TRIM50: variants seen among roughly 807,000 people sequenced by gnomAD.
TRIM50 encodes tripartite motif containing 50.
TRIM50 carries 34 observed loss-of-function variants against 44.9 expected under a neutral mutation model. The observed-to-expected ratio is 0.76, with a 90% confidence interval of 0.58 to 1.01. The LOEUF (loss-of-function observed/expected upper bound fraction) is 1.01. TRIM50 is among the 50% of genes least tolerant of loss of function. The probability of loss-of-function intolerance (pLI) is 0.00; values close to 1 mark genes in which losing one functional copy is unlikely to be tolerated. For synonymous variants in TRIM50, 307 were observed against 291.1 expected, an observed-to-expected ratio of 1.05 and a Z score of -0.56; for missense variants, 633 against 663.7, an observed-to-expected ratio of 0.95 and a Z score of 0.51.
chr7:73,320,327 T>G, intron 2 of TRIM50, 85 bp from the exon 3 acceptor site: 1 of 1,594,962 alleles, frequency 6.3e-7, no homozygotes, highest in Non-Finnish European at 8.6e-7. Flanking sequence ...AGTATCCCAA[T>G]GGCCACAAGC....
Position 73,312,646 on chromosome 7 carries a change from C to G in TRIM50, c.*275G>C, listed in dbSNP as rs1429196805. 1.2e-5 allele frequency: 6 copies of G among 484,280 alleles called. No homozygotes were observed. Among genetic ancestry groups the G allele is most frequent in the Non-Finnish European group, 2.2e-5 (6 of 274,954 alleles). The allele number at this position is 484,280 out of a possible 1,614,324, so 30.0% of individuals were successfully genotyped here. A position where few individuals can be genotyped will look rare whatever the true frequency, so the allele number is the denominator to read the frequency against. ...CTATTTCTGCCCTCGGAAGCGTCTG[C>G]GCAGATAGCATGGTTAGCAAGTGGC... is the stretch of plus-strand genomic sequence containing the variant. On this transcript the variant is annotated 3_prime_UTR_variant, in exon 7 of 7. Transcript: ENST00000333149.
In TRIM50 at chr7:73,312,858, A is replaced by G; in HGVS notation, c.*63T>C. The G allele has an allele frequency of 2.3e-6, 3 of 1,332,132 alleles. No individual in the cohort carries two copies. The highest frequency in any genetic ancestry group is 3.0e-6 in the Non-Finnish European group (3 of 998,698). The allele number at this position is 1,332,132 out of a possible 1,614,324, so 82.5% of individuals were successfully genotyped here. On this transcript the variant is annotated 3_prime_UTR_variant, in exon 7 of 7. Transcript: ENST00000333149. ...ATCACCTCAGGCGGGACCCAGCAGAAGCCCGCGAGTCCCCGGTGCCCCGCC... is the reference window on the plus strand; with the variant it reads ...ATCACCTCAGGCGGGACCCAGCAGAGGCCCGCGAGTCCCCGGTGCCCCGCC...
At chr7:73,316,021 C>T (rs1804349982) in intron 6 of TRIM50, among the ~76,000 whole-genome samples, 1 of 151,844 alleles carries the variant, frequency 6.6e-6, no homozygotes, top group African/African-American at 2.4e-5. Context: ...GCTGGGATTA[C>T]AGGCGCACAC....
intron 6 of TRIM50, among the ~76,000 whole-genome samples, 181 bp downstream of exon 6, chr7:73,316,384 G>C (rs1554544059): frequency 6.6e-6 from 1 of 152,020 alleles, no homozygotes; most frequent in Admixed American, 6.6e-5. Flanking sequence ...CCAGCAGCTA[G>C]GAAAGGAAAG....
At position 73,312,984 on chromosome 7, in the gene TRIM50, G is replaced by A; in HGVS notation, c.1401C>T (p.Pro467=). ...GCCCGCTGGGCGGGGGCAGCACCAT[G>A]GGCAGCGAGTTGCTGCCCCTCTCGT... ...CWHERGSNSL[P]MVLPPPSGPG... is the part of the protein sequence containing the mutation. The change falls in exon 7 of 7, where the codon CCC becomes CCT. Residue 467 remains proline, a synonymous_variant. Coordinates refer to ENST00000333149, the MANE Select transcript of TRIM50 (RefSeq NM_178125.3). The A allele has an allele frequency of 6.4e-7, 1 of 1,551,952 alleles. No homozygotes were observed. The highest frequency in any genetic ancestry group is 2.4e-5 in the East Asian group (1 of 41,038).
chr7:73,322,606 C>G (rs560615211), intron 2 of TRIM50, among the ~76,000 whole-genome samples: 1 of 152,228 alleles, frequency 6.6e-6, no homozygotes, highest in Non-Finnish European at 1.5e-5. Flanking sequence ...ATTTCACACA[C>G]GTGATCTCCT....
chr7:73,315,295 C>G (rs1451383398), intron 6 of TRIM50: 1 of 148,330 alleles, frequency 6.7e-6, no homozygotes, highest in Non-Finnish European at 1.5e-5. Context: ...GTGAGATGTA[C>G]AAACAGGATT....
At position 73,318,915 on chromosome 7, in the gene TRIM50, C is replaced by T. The variant is rs1554544575; in HGVS notation, c.633G>A (p.Gln211=). 6.2e-7 allele frequency: 1 copy of T among 1,613,906 alleles called. No homozygotes were observed. Among genetic ancestry groups the T allele is most frequent in the Non-Finnish European group, 8.5e-7 (1 of 1,179,882 alleles). The change falls in exon 4 of 7, where the codon CAG becomes CAA. Residue 211 remains glutamine, a synonymous_variant. Coordinates refer to ENST00000333149, the MANE Select transcript of TRIM50 (RefSeq NM_178125.3). The part of the protein sequence containing the change: ...TRGLVASLDM[Q]LEQAQGTRER... ...CCCGGGTTCCCTGGGCCTGCTCCAG[C>T]TGCATGTCCAGGGAGGCCACCAGGC...
Position 73,328,040 on chromosome 7 carries a change from A to G in TRIM50, c.-159T>C, listed in dbSNP as rs2115802758. 1 of 713,548 alleles carries G rather than the reference A, an allele frequency of 1.4e-6. No individual in the cohort carries two copies. The highest frequency in any genetic ancestry group is 4.0e-4 in the Middle Eastern group (1 of 2,514). 44.2% of individuals were successfully genotyped at this position (713,548 alleles called of 1,614,324 possible). Reference sequence around the variant, plus strand: ...TCATCATGACCCGCACGCTATGGTTACATGCCCCGCCTCGCGCTACCGCGC... The same window carrying G: ...TCATCATGACCCGCACGCTATGGTTGCATGCCCCGCCTCGCGCTACCGCGC... On this transcript the variant is annotated 5_prime_UTR_variant, in exon 1 of 7. It removes the in-frame stop codon of an upstream open reading frame in the 5' UTR. Coordinates refer to ENST00000333149, the MANE Select transcript of TRIM50 (RefSeq NM_178125.3).
rs1554545720 is a variant in TRIM50 at position 73,324,763 on chromosome 7, C to T, written c.25G>A (p.Glu9Lys). The change falls in exon 2 of 7, where the codon GAG becomes AAG. Residue 9 changes from glutamate to lysine, a missense_variant. Coordinates refer to ENST00000333149, the MANE Select transcript of TRIM50 (RefSeq NM_178125.3). The stretch of plus-strand genomic sequence containing the variant: ...GGACACTGAAGCCGGTCCTCCAGCT[C>T]TGGCAGGCTCACCTGCCAAGCCATC... The part of the protein sequence containing the change: MAWQVSLP[E>K]LEDRLQCPIC... 2 of 1,614,068 alleles carry T rather than the reference C, an allele frequency of 1.2e-6. No homozygotes were observed. Among genetic ancestry groups the T allele is most frequent in the East Asian group, 4.5e-5 (2 of 44,870 alleles).
rs200905427 is a variant in TRIM50 at position 73,324,803 on chromosome 7, G to A, written c.-16C>T. The A allele has an allele frequency of 1.7e-5, 28 of 1,613,184 alleles. 1 individual carries two copies. The highest frequency in any genetic ancestry group is 1.5e-4 in the Admixed American group (9 of 59,998). ...GCCAAGCCATCCACACTCACTGCCCGGGCTGAAACACAGGCATCCGACCTC... is the reference window on the plus strand; with the variant it reads ...GCCAAGCCATCCACACTCACTGCCCAGGCTGAAACACAGGCATCCGACCTC... On this transcript the variant is annotated splice_region_variant and 5_prime_UTR_variant, in exon 2 of 7. Transcript: ENST00000333149.
At position 73,313,470 on chromosome 7, in the gene TRIM50, T is replaced by C. The variant is rs1586472535; in HGVS notation, c.915A>G (p.Pro305=). Residue 305 remains proline, a synonymous_variant, in exon 7 of 7, where the codon CCA becomes CCG. Transcript: ENST00000333149. This position sits in a 1 kb window ranked among gnomAD's most constrained non-coding sequence, Gnocchi z 4.9. ...PLKLDPATAH[P]LLELSKGNTV... ...TGTTGCCCTTGGAGAGCTCCAGGAG[T>C]GGGTGGGCAGTGGCAGGGTCCAACT... The C allele has an allele frequency of 2.6e-6, 4 of 1,534,020 alleles. No homozygotes were observed. Among genetic ancestry groups the C allele is most frequent in the Non-Finnish European group, 2.6e-6 (3 of 1,143,936 alleles).
chr7:73,322,585 T>C (rs1804521488), intron 2 of TRIM50, among the ~76,000 whole-genome samples: 1 of 152,194 alleles, frequency 6.6e-6, no homozygotes. Flanking sequence ...CACTTTTCAG[T>C]CCTCAGAGAC....
intron 1 of TRIM50, among the ~76,000 whole-genome samples, chr7:73,326,532 C>G (rs1324686991): frequency 6.6e-6 from 1 of 151,838 alleles, no homozygotes; most frequent in Admixed American, 6.6e-5. Context: ...GTATATACAC[C>G]CACTCTCAAG....
chr7:73,318,741 A>G (rs375269348), intron 4 of TRIM50, 32 bp from the exon 5 acceptor site: 62 of 1,613,848 alleles, frequency 3.8e-5, no homozygotes, highest in Admixed American at 1.8e-4. Flanking sequence ...GGTTAAGGCT[A>G]GAAGGTGGGA....
chr7:73,324,065 AGAGAGG>A (rs1196917499), intron 2 of TRIM50, among the ~76,000 whole-genome samples: 7 of 151,560 alleles, frequency 4.6e-5, no homozygotes, highest in South Asian at 2.1e-4. Context: ...AAAAGAAAGG[AGAGAGG>A]GAGAGGGAGA....
rs184974120 is a variant in TRIM50 at position 73,322,894 on chromosome 7, G to A, written c.399+1495C>T. 3.0e-3 allele frequency among the ~76,000 whole-genome samples: 453 copies of A among 152,186 alleles called. 2 individuals carry two copies. Among genetic ancestry groups the A allele is most frequent in the African/African-American group, 0.01 (418 of 41,524 alleles). On this transcript the variant is annotated intron_variant, in intron 2 of 6. Transcript: ENST00000333149. ...TCCTGGTCTGCACACCCCTCGACCC[G>A]ACTGCACATATCCAGGCACCTCCGG...
rs1317809170 is a variant in TRIM50, at chr7:73,313,434, C to T, written c.951G>A (p.Gln317=). The change falls in exon 7 of 7, where the codon CAG becomes CAA. Residue 317 remains glutamine, a synonymous_variant. Coordinates refer to ENST00000333149, the MANE Select transcript of TRIM50 (RefSeq NM_178125.3). The surrounding 1 kb of genome is among the most constrained non-coding windows in gnomAD (Gnocchi z 4.9). ...CTCGCCGCTGGGCCAGAAGCCCGCA[C>T]TGCACCACCGTGTTGCCCTTGGAGA... ...LELSKGNTVV[Q]CGLLAQRRAS... is the part of the protein sequence containing the mutation. 1.3e-6 allele frequency: 2 copies of T among 1,563,420 alleles called. No homozygotes were observed. The highest frequency in any genetic ancestry group is 2.4e-5 in the East Asian group (1 of 42,470).
intron 3 of TRIM50, among the ~76,000 whole-genome samples, chr7:73,319,614 C>T (rs181987846): frequency 2.9e-4 from 44 of 152,336 alleles, no homozygotes; most frequent in African/African-American, 6.5e-4. Context: ...TACCGCCTGC[C>T]GCGCAAGGGT....
Sources: gnomAD v4.1 joint callset for allele counts (sites outside exome capture counted in the v4.1 genomes callset) on GRCh38, gnomAD v4.1.1 for gene constraint, Gnocchi (gnomAD v3.1) non-coding constraint, MANE v1.5 for transcripts, NCBI Gene and HGNC (gene_info 2026-07-23, HGNC 2026-07-21) for gene names.